Variants in METTL24 observed in about 807,000 individuals in gnomAD.
The protein encoded by METTL24 is probable methyltransferase-like protein 24.
In METTL24, 29 loss-of-function variants were observed where a neutral mutation model predicts 32.7. The ratio of observed to expected loss-of-function variants is 0.89; its 90% CI spans 0.66 to 1.21. METTL24 has a LOEUF of 1.21. Ranked by LOEUF, METTL24 falls within the 50% of genes most tolerant of loss-of-function variation. The pLI, the probability that METTL24 is intolerant of heterozygous loss-of-function variation, is 0.00. For synonymous variants in METTL24, 163 were observed against 179.5 expected, an observed-to-expected ratio of 0.91 and a Z score of 0.73; for missense variants, 439 against 468.1, an observed-to-expected ratio of 0.94 and a Z score of 0.57.
chr6:110,299,284 T>C (rs1458540247), intron 3 of METTL24, 134 bp from the exon 4 acceptor site: 1 of 685,764 alleles, frequency 1.5e-6, no homozygotes, highest in East Asian at 2.7e-5. Context: ...ATGGCTAATG[T>C]ACACATTCAA....
chr6:110,256,869 T>C (rs73765688), intron 4 of METTL24, among the ~76,000 whole-genome samples: 23,198 of 152,214 alleles, frequency 0.15, 1,904 homozygotes, highest in African/African-American at 0.23. Flanking sequence ...TCTCTATTCA[T>C]GTCACTTCCT....
chr6:110,300,268 G>A (rs995149198), intron 3 of METTL24, among the ~76,000 whole-genome samples: 1 of 152,172 alleles, frequency 6.6e-6, no homozygotes, highest in Admixed American at 6.5e-5. Context: ...TTGGTGGGGA[G>A]AGGGTGGCCT....
At chr6:110,289,436 G>A (rs555793505) in intron 4 of METTL24, among the ~76,000 whole-genome samples, 1 of 150,980 alleles carries the variant, frequency 6.6e-6, no homozygotes, top group South Asian at 2.1e-4. Context: ...AGAACAGATG[G>A]ATAGGAAAAA....
chr6:110,332,549 T>C, intron 1 of METTL24: 1 of 907,662 alleles, frequency 1.1e-6, no homozygotes, highest in East Asian at 1.2e-4. Flanking sequence ...TGGGTTTCAT[T>C]GAGGTAGCAC....
intron 4 of METTL24, among the ~76,000 whole-genome samples, chr6:110,255,528 G>T (rs988434866): frequency 6.6e-6 from 1 of 152,094 alleles, no homozygotes; most frequent in African/African-American, 2.4e-5. Flanking sequence ...GGACCTGACC[G>T]AGGGCAGAGT....
intron 1 of METTL24, among the ~76,000 whole-genome samples, chr6:110,343,431 T>A (rs191910187): frequency 6.6e-6 from 1 of 152,182 alleles, no homozygotes; most frequent in South Asian, 2.1e-4. Context: ...ATTTTATGAA[T>A]TGTCTAGTAG....
chr6:110,264,608 C>A (rs1208550388), intron 4 of METTL24, among the ~76,000 whole-genome samples: 2 of 152,120 alleles, frequency 1.3e-5, no homozygotes, highest in South Asian at 2.1e-4. Context: ...TTGACCCAGC[C>A]ATCCCATTAC....
rs1327220260 is a variant in METTL24 at position 110,274,795 on chromosome 6, G to A, written c.786+24127C>T. Among the ~76,000 whole-genome samples the A allele has an allele frequency of 6.7e-5, 7 of 104,332 alleles. No homozygotes were observed. In the South Asian group the frequency reaches 1.5e-3, roughly 22 times the overall value. 68.4% of individuals were successfully genotyped at this position (104,332 alleles called of 152,430 possible). The stretch of plus-strand genomic sequence containing the variant: ...AGCTTTTTTTTTTTTTTTCCTTTTC[G>A]TTCTTTCTTTTTTTTTTTTTTTTTT... On this transcript the variant is annotated intron_variant, in intron 4 of 4. Coordinates refer to ENST00000338882, the MANE Select transcript of METTL24 (RefSeq NM_001123364.3).
intron 1 of METTL24, among the ~76,000 whole-genome samples, chr6:110,329,725 T>C (rs576067798): frequency 7.2e-5 from 11 of 152,342 alleles, no homozygotes; most frequent in African/African-American, 2.6e-4. Context: ...GACCCGGCCC[T>C]GCTTCAGAAA....
At chr6:110,264,069 T>A (rs1275231176) in intron 4 of METTL24, among the ~76,000 whole-genome samples, 1 of 151,926 alleles carries the variant, frequency 6.6e-6, no homozygotes, top group Non-Finnish European at 1.5e-5. Flanking sequence ...GGGCAAGGAC[T>A]TCATGTCTAA....
intron 4 of METTL24, among the ~76,000 whole-genome samples, chr6:110,263,331 C>G (rs1418979486): frequency 6.6e-6 from 1 of 152,104 alleles, no homozygotes; most frequent in Non-Finnish European, 1.5e-5. Flanking sequence ...CAATAACAGA[C>G]AAACAGAGAG....
intron 4 of METTL24, among the ~76,000 whole-genome samples, chr6:110,289,158 C>A (rs1771276183): frequency 6.6e-6 from 1 of 152,156 alleles, no homozygotes; most frequent in Non-Finnish European, 1.5e-5. Flanking sequence ...AAGAGAAAAG[C>A]AAAACCAAAC....
At chr6:110,277,974 A>G (rs1771075629) in intron 4 of METTL24, among the ~76,000 whole-genome samples, 1 of 152,068 alleles carries the variant, frequency 6.6e-6, no homozygotes. Context: ...TTTTCCTCAA[A>G]TTTTGCCTGT....
Position 110,244,368 on chromosome 6 carries a change from C to CT in METTL24, c.*1577dup, listed in dbSNP as rs890355777. On this transcript the variant is annotated 3_prime_UTR_variant, in exon 5 of 5. Transcript: ENST00000338882. The stretch of plus-strand genomic sequence containing the variant: ...ATAAAAAGCATCTTGAGTTGAAGCT[C>CT]TTTTTTTTTTCTGTGAACAAATAAA... 5.3e-4 allele frequency among the ~76,000 whole-genome samples: 79 copies of CT among 149,026 alleles called. No individual in the cohort carries two copies. Among genetic ancestry groups the CT allele is most frequent in the Admixed American group, 1.3e-3 (19 of 14,908 alleles).
At chr6:110,306,546 T>A (rs1771631193) in intron 3 of METTL24, among the ~76,000 whole-genome samples, 1 of 152,028 alleles carries the variant, frequency 6.6e-6, no homozygotes, top group Non-Finnish European at 1.5e-5. Context: ...ATATAATGCA[T>A]TAGATAACAT....
In METTL24 at chr6:110,351,820, G is replaced by A. The variant is rs180875779; in HGVS notation, c.318+6135C>T. Among the ~76,000 whole-genome samples the A allele has an allele frequency of 7.9e-5, 12 of 152,284 alleles. No homozygotes were observed. The East Asian group carries it at 2.1e-3, about 27-fold the overall frequency. ...ACCTGTATTATAATAGCACTTGAGG[G>A]AGAAGATCAAAGAATTCAGAAAGCT... On this transcript the variant is annotated intron_variant, in intron 1 of 4. Coordinates refer to ENST00000338882, the MANE Select transcript of METTL24 (RefSeq NM_001123364.3).
intron 1 of METTL24, among the ~76,000 whole-genome samples, chr6:110,336,601 A>G (rs536293108): frequency 1.3e-5 from 2 of 152,192 alleles, no homozygotes; most frequent in African/African-American, 4.8e-5. Flanking sequence ...TTAGGCAGGC[A>G]TGGTGGCGGG....
chr6:110,340,325 A>G (rs1420413703), intron 1 of METTL24, among the ~76,000 whole-genome samples: 1 of 152,116 alleles, frequency 6.6e-6, no homozygotes, highest in Non-Finnish European at 1.5e-5. Context: ...GCCAGCAGTG[A>G]AGTGATTCCG....
intron 1 of METTL24, among the ~76,000 whole-genome samples, chr6:110,333,643 T>C (rs925003764): frequency 6.6e-6 from 1 of 152,140 alleles, no homozygotes; most frequent in Non-Finnish European, 1.5e-5. Context: ...AGTTTCACCA[T>C]GTTGGCCAGG....
Sources: gnomAD v4.1 joint callset for allele counts (sites outside exome capture counted in the v4.1 genomes callset) on GRCh38, gnomAD v4.1.1 for gene constraint, MANE v1.5 for transcripts, NCBI Gene and HGNC (gene_info 2026-07-23, HGNC 2026-07-21) for gene names.